APOOL: variants seen among roughly 807,000 people sequenced by gnomAD.
APOOL encodes the protein apolipoprotein O like, also known as MICOS complex subunit MIC27.
In APOOL, 12 loss-of-function variants were observed where a neutral mutation model predicts 23.1. That is an observed-to-expected ratio of 0.52 (90% CI 0.33 to 0.84). The LOEUF is 0.84. Among genes scored for constraint, APOOL ranks in the 40% least tolerant of loss-of-function variants. The pLI, the probability that APOOL is intolerant of heterozygous loss-of-function variation, is 0.02. For missense variants in APOOL, 212 were observed against 199.6 expected (o/e 1.06, Z -0.37); for synonymous variants, 77 against 69.9 (o/e 1.10, Z -0.51).
At chrX:85,022,602 T>C (rs1409140045) in intron 1 of APOOL, among the ~76,000 whole-genome samples, 1 of 105,271 alleles carries the variant, frequency 9.5e-6, no homozygotes, top group Non-Finnish European at 1.9e-5. Context: ...GTAAAGGCCA[T>C]GTATAAGAAT....
At chrX:85,049,138 G>A (rs1922675507) in intron 2 of APOOL, among the ~76,000 whole-genome samples, 1 of 111,272 alleles carries the variant, frequency 9.0e-6, no homozygotes, top group South Asian at 3.8e-4. Context: ...TTTTAAATGT[G>A]GTTTTATAGC....
intron 1 of APOOL, among the ~76,000 whole-genome samples, chrX:85,030,029 G>A (rs1193583787): frequency 8.9e-6 from 1 of 111,891 alleles, no homozygotes; most frequent in Non-Finnish European, 1.9e-5. Context: ...AGGAGAAGAA[G>A]TCATGATATG....
chrX:85,024,207 A>C (rs1921765586), intron 1 of APOOL, among the ~76,000 whole-genome samples: 1 of 112,221 alleles, frequency 8.9e-6, no homozygotes, highest in African/African-American at 3.2e-5. Flanking sequence ...TTCTGTTGGT[A>C]GCTTGGAGAG....
At chrX:85,068,848 A>G (rs929010076) in intron 6 of APOOL, among the ~76,000 whole-genome samples, 1 of 112,043 alleles carries the variant, frequency 8.9e-6, no homozygotes, top group South Asian at 3.7e-4. Flanking sequence ...ACAAATATCC[A>G]TGTCCACATT....
intron 1 of APOOL, among the ~76,000 whole-genome samples, chrX:85,008,619 A>G (rs747992184): frequency 3.8e-5 from 4 of 104,279 alleles, no homozygotes; most frequent in Non-Finnish European, 5.8e-5. Context: ...AGACACTTCG[A>G]TTAGACACTT....
chrX:85,049,885 G>A (rs1331775763), intron 2 of APOOL, among the ~76,000 whole-genome samples: 1 of 111,600 alleles, frequency 9.0e-6, no homozygotes, highest in African/African-American at 3.3e-5. Flanking sequence ...TTTGGAATTG[G>A]GATGTGTAAA....
At chrX:85,050,496 T>C (rs1814545501) in intron 2 of APOOL, among the ~76,000 whole-genome samples, 1 of 109,767 alleles carries the variant, frequency 9.1e-6, no homozygotes, top group African/African-American at 3.3e-5. Context: ...AAATCCAAAG[T>C]CATTAATCAT....
intron 5 of APOOL, 39 bp from the exon 6 acceptor site, chrX:85,067,088 T>C: frequency 4.7e-6 from 4 of 858,916 alleles, no homozygotes; most frequent in Non-Finnish European, 6.7e-6. Context: ...TCTCTGGTGG[T>C]ATATATTTGG....
chrX:85,023,003 A>G (rs2147478284), intron 1 of APOOL, among the ~76,000 whole-genome samples: 1 of 110,888 alleles, frequency 9.0e-6, no homozygotes, highest in African/African-American at 3.3e-5. Flanking sequence ...AGAGCCTGGC[A>G]CCTCCACTCT....
In APOOL at chrX:85,093,121, C is replaced by T. The variant is rs1191596085; in HGVS notation, c.*5443C>T. 17 of 1,010,282 alleles carry T rather than the reference C, an allele frequency of 1.7e-5. No homozygotes were observed. The highest frequency in any genetic ancestry group is 2.3e-5 in the Non-Finnish European group (17 of 744,675). The allele number at this position is 1,010,282 out of a possible 1,213,427, so 83.3% of individuals were successfully genotyped here. A position where few individuals can be genotyped will look rare whatever the true frequency, so the allele number is the denominator to read the frequency against. Reference sequence around the variant, plus strand: ...GGTGAGATTAATGATTTAATTTATGCCCTGTGAATATTTATTAAGAAAAGG... The same window carrying T: ...GGTGAGATTAATGATTTAATTTATGTCCTGTGAATATTTATTAAGAAAAGG... On this transcript the variant is annotated 3_prime_UTR_variant, in exon 9 of 9. Coordinates refer to ENST00000373173, the MANE Select transcript of APOOL (RefSeq NM_198450.6).
rs1346484569 is a variant in APOOL at position 85,092,885 on chromosome X, T to C, written c.*5207T>C. The C allele has an allele frequency of 2.2e-5, 7 of 323,936 alleles. No individual in the cohort carries two copies. Among genetic ancestry groups the C allele is most frequent in the Admixed American group, 5.4e-5 (1 of 18,671 alleles). The allele number at this position is 323,936 out of a possible 1,213,427, so 26.7% of individuals were successfully genotyped here. A position where few individuals can be genotyped will look rare whatever the true frequency, so the allele number is the denominator to read the frequency against. On this transcript the variant is annotated 3_prime_UTR_variant, in exon 9 of 9. Coordinates refer to ENST00000373173, the MANE Select transcript of APOOL (RefSeq NM_198450.6). ...TTTTATAGTCTTGTAATATTCATAC[T>C]GTGAGCCTGTGTTTTTGAATAAAAA...
chrX:85,036,856 C>T (rs1188776161), intron 1 of APOOL, among the ~76,000 whole-genome samples: 1 of 110,392 alleles, frequency 9.1e-6, no homozygotes, highest in Non-Finnish European at 1.9e-5. Flanking sequence ...TCCCTCTCAT[C>T]CTTCCCCTGG....
rs910586147 is a variant in APOOL at position 85,020,328 on chromosome X, C to G, written c.15+16401C>G. Among the ~76,000 whole-genome samples the G allele has an allele frequency of 2.7e-5, 3 of 111,662 alleles. No homozygotes were observed. In the Admixed American group the frequency reaches 2.8e-4, roughly 11 times the overall value. Reference sequence around the variant, plus strand: ...TTATGAAAAGATGCATTGATGAGGGCAGGAGGGACGGTCAGTTTTACATTG... The same window carrying G: ...TTATGAAAAGATGCATTGATGAGGGGAGGAGGGACGGTCAGTTTTACATTG... On this transcript the variant is annotated intron_variant, in intron 1 of 8. Transcript: ENST00000373173.
At chrX:85,066,148 T>C (rs1310203168) in intron 5 of APOOL, among the ~76,000 whole-genome samples, 1 of 111,895 alleles carries the variant, frequency 8.9e-6, no homozygotes, top group Admixed American at 9.5e-5. Context: ...AGATTAGGGA[T>C]TGTATAAGCT....
chrX:85,053,382 A>C (rs773565108), intron 3 of APOOL, among the ~76,000 whole-genome samples: 7 of 111,859 alleles, frequency 6.3e-5, no homozygotes, highest in African/African-American at 1.9e-4. Flanking sequence ...ACCAAGATGA[A>C]CCTCTGCATC....
rs201522041 is a variant in APOOL, at chrX:85,088,209, TATAA to T, written c.*535_*538del. 142 of 25,609 alleles carry T rather than the reference TATAA, an allele frequency of 5.5e-3. 8 individuals are homozygous for T. Among genetic ancestry groups the T allele is most frequent in the African/African-American group, 0.014 (133 of 9,727 alleles). 2.1% of individuals were successfully genotyped at this position (25,609 alleles called of 1,213,427 possible). On this transcript the variant is annotated 3_prime_UTR_variant, in exon 9 of 9. Transcript: ENST00000373173. ...ACATACATATTTATACATATATATG[TATAA>T]ATACATACATATTTATACATATAAA...
intron 5 of APOOL, among the ~76,000 whole-genome samples, chrX:85,065,394 T>C (rs1923416681): frequency 2.7e-5 from 3 of 111,794 alleles, no homozygotes; most frequent in African/African-American, 9.7e-5. Context: ...GTTAATATTG[T>C]TATGTGTGAA....
At chrX:85,036,055 A>G (rs1250434961) in intron 1 of APOOL, among the ~76,000 whole-genome samples, 1 of 112,213 alleles carries the variant, frequency 8.9e-6, no homozygotes, top group Non-Finnish European at 1.9e-5. Context: ...TGAATCTGTA[A>G]ATTGCTTTGG....
chrX:85,055,264 A>G (rs1387453349), intron 4 of APOOL, among the ~76,000 whole-genome samples: 1 of 111,933 alleles, frequency 8.9e-6, no homozygotes, highest in African/African-American at 3.2e-5. Context: ...AATTCAACAT[A>G]TAGAAAGCCA....
Sources: allele counts gnomAD v4.1 joint callset (sites outside exome capture counted in the v4.1 genomes callset), GRCh38; gene constraint gnomAD v4.1.1; transcripts MANE v1.5; gene names NCBI Gene and HGNC (gene_info 2026-07-23, HGNC 2026-07-21).